LYRM4: variants seen among roughly 807,000 people sequenced by gnomAD.
LYRM4 encodes the protein LYR motif containing 4.
In LYRM4, 9 loss-of-function variants were observed where a neutral mutation model predicts 11.7. The observed-to-expected ratio is 0.77, with a 90% CI of 0.46 to 1.34. LYRM4 has a LOEUF of 1.34. Ranked by LOEUF, LYRM4 falls within the 40% of genes most tolerant of loss-of-function variation. The pLI, the probability that LYRM4 is intolerant of heterozygous loss-of-function variation, is 0.00. For missense variants in LYRM4, 133 were observed against 112.5 expected (o/e 1.18, Z -0.82); for synonymous variants, 42 against 40.4 (o/e 1.04, Z -0.15).
the LYRM4 span, among the ~76,000 whole-genome samples, chr6:5,081,723 T>A: frequency 6.6e-6 from 1 of 152,396 alleles, no homozygotes; most frequent in Non-Finnish European, 1.5e-5. Context: ...ACATTGTTAG[T>A]GTTATTTTGT....
intron 2 of LYRM4, among the ~76,000 whole-genome samples, chr6:5,114,303 T>G (rs1049733936): frequency 6.6e-6 from 1 of 152,250 alleles, no homozygotes; most frequent in African/African-American, 2.4e-5. Context: ...GGAGCCACCA[T>G]GCCAGCTCTG....
intron 2 of LYRM4, among the ~76,000 whole-genome samples, chr6:5,118,440 T>C (rs1306476701): frequency 6.6e-6 from 1 of 152,120 alleles, no homozygotes; most frequent in Admixed American, 6.6e-5. Context: ...TAGTAGAATT[T>C]CAGCATATGG....
Position 5,118,094 on chromosome 6 carries a change from A to ATATATATATATATATATTTTT in LYRM4, c.208-8604_208-8603insAAAAATATATATATATATATA. ...TCACCAAAACAATATATATATATAT[A>ATATATATATATATATATTTTT]TTTTTGTTTTGTTTTGTTTTGTTTT... On this transcript the variant is annotated intron_variant, in intron 2 of 2. Transcript: ENST00000330636. Among the ~76,000 whole-genome samples, 157 of 86,082 alleles carry ATATATATATATATATATTTTT rather than the reference A, an allele frequency of 1.8e-3. 1 individual carries two copies. Among genetic ancestry groups the ATATATATATATATATATTTTT allele is most frequent in the African/African-American group, 5.3e-3 (135 of 25,566 alleles). 56.5% of individuals were successfully genotyped at this position (86,082 alleles called of 152,430 possible).
At chr6:5,217,098 A>G (rs1314652587) in intron 1 of LYRM4, among the ~76,000 whole-genome samples, 1 of 152,238 alleles carries the variant, frequency 6.6e-6, no homozygotes, top group Non-Finnish European at 1.5e-5. Context: ...AGCGGCAGTG[A>G]ACCATGATGG....
At chr6:5,059,704 T>C in the LYRM4 span, among the ~76,000 whole-genome samples, 1 of 152,024 alleles carries the variant, frequency 6.6e-6, no homozygotes, top group Non-Finnish European at 1.5e-5. Flanking sequence ...CATCTCCCTT[T>C]CCCTAAAAAG....
chr6:5,079,420 G>C, the LYRM4 span, among the ~76,000 whole-genome samples: 1 of 152,198 alleles, frequency 6.6e-6, no homozygotes, highest in Non-Finnish European at 1.5e-5. Flanking sequence ...CTGCTTTTAG[G>C]TAGAAAGGGG....
At chr6:5,155,134 T>C (rs1383884747) in intron 2 of LYRM4, among the ~76,000 whole-genome samples, 6 of 152,116 alleles carry the variant, frequency 3.9e-5, no homozygotes, top group Non-Finnish European at 8.8e-5. Context: ...CAGGTTGGAG[T>C]GCAGTGGTGT....
chr6:5,057,255 G>A, the LYRM4 span, among the ~76,000 whole-genome samples: 1 of 152,154 alleles, frequency 6.6e-6, no homozygotes, highest in Non-Finnish European at 1.5e-5. Context: ...TGCTCTCCTA[G>A]CCTGCTGTCA....
intron 2 of LYRM4, among the ~76,000 whole-genome samples, chr6:5,120,421 A>G (rs1423059430): frequency 1.3e-5 from 2 of 152,136 alleles, no homozygotes; most frequent in African/African-American, 2.4e-5. Flanking sequence ...GGTCTCTCTG[A>G]CTTCAGGAAT....
In LYRM4 at chr6:5,229,482, GAGA is replaced by G. The variant is rs1763104425; in HGVS notation, c.87-12747_87-12745del. ...GGTGCAACATAAGGGCAAAGAGGGA[GAGA>G]AGAACTCTCTCCAGGGCTCAGTGGG... On this transcript the variant is annotated intron_variant, in intron 1 of 2. Coordinates refer to ENST00000330636, the MANE Select transcript of LYRM4 (RefSeq NM_020408.6). Among the ~76,000 whole-genome samples, 6 of 151,698 alleles carry G rather than the reference GAGA, an allele frequency of 4.0e-5. No individual in the cohort carries two copies. In the South Asian group the frequency reaches 1.2e-3, roughly 32 times the overall value.
At chr6:5,176,167 C>T (rs1759710514) in intron 2 of LYRM4, among the ~76,000 whole-genome samples, 1 of 151,048 alleles carries the variant, frequency 6.6e-6, no homozygotes, top group African/African-American at 2.4e-5. Flanking sequence ...CGGGTTCAAA[C>T]TATACTTCTG....
intron 2 of LYRM4, among the ~76,000 whole-genome samples, chr6:5,176,565 A>G (rs1418437302): frequency 2.0e-5 from 3 of 152,200 alleles, no homozygotes; most frequent in Admixed American, 6.5e-5. Context: ...TCAGGAACCA[A>G]TGGGAAGGAG....
chr6:5,113,360 G>A, intron 2 of LYRM4: 1 of 448,418 alleles, frequency 2.2e-6, no homozygotes, highest in Non-Finnish European at 4.5e-6. Flanking sequence ...GGGAGGTGGA[G>A]GTTGCTGAGA....
rs139783840 is a variant in LYRM4 at position 5,110,098 on chromosome 6, G to T, written c.208-607C>A. Reference sequence around the variant, plus strand: ...TTTCCACTGTCCCAGGTGGATGCTGGAGCCATCCTCTGGGGCTAGAGCAGG... The same window carrying T: ...TTTCCACTGTCCCAGGTGGATGCTGTAGCCATCCTCTGGGGCTAGAGCAGG... On this transcript the variant is annotated intron_variant, in intron 2 of 2. Transcript: ENST00000330636. Among the ~76,000 whole-genome samples, 719 of 152,274 alleles carry T rather than the reference G, an allele frequency of 4.7e-3. 1 individual carries two copies. The highest frequency in any genetic ancestry group is 7.4e-3 in the Non-Finnish European group (502 of 68,014).
At chr6:5,052,102 G>T in the LYRM4 span, among the ~76,000 whole-genome samples, 1 of 152,182 alleles carries the variant, frequency 6.6e-6, no homozygotes, top group South Asian at 2.1e-4. Context: ...CATCCAAACT[G>T]TAGCACCTGC....
intron 2 of LYRM4, among the ~76,000 whole-genome samples, chr6:5,182,027 C>G (rs138722064): frequency 6.6e-5 from 10 of 152,188 alleles, no homozygotes; most frequent in African/African-American, 9.7e-5. Context: ...TACCTCCCCC[C>G]CAATCCCCAG....
chr6:5,257,507 C>T (rs1380975671), intron 1 of LYRM4, among the ~76,000 whole-genome samples: 1 of 152,236 alleles, frequency 6.6e-6, no homozygotes, highest in African/African-American at 2.4e-5. Flanking sequence ...CTTTCTCTCT[C>T]CAGGGCTTGG....
At chr6:5,083,868 A>T in the LYRM4 span, among the ~76,000 whole-genome samples, 4 of 152,212 alleles carry the variant, frequency 2.6e-5, no homozygotes, top group African/African-American at 9.7e-5. Flanking sequence ...TTTCTATATA[A>T]GTAACTGAAT....
intron 1 of LYRM4, 80 bp downstream of exon 1, chr6:5,260,568 G>T: frequency 6.6e-7 from 1 of 1,511,422 alleles, no homozygotes; most frequent in Non-Finnish European, 8.9e-7. Flanking sequence ...CCAGTCCCCG[G>T]GGATATTCCG....
Sources: allele counts gnomAD v4.1 joint callset (sites outside exome capture counted in the v4.1 genomes callset), GRCh38; gene constraint gnomAD v4.1.1; transcripts MANE v1.5; gene names NCBI Gene and HGNC (gene_info 2026-07-23, HGNC 2026-07-21).